The following PDE1A variants were observed in gnomAD, a reference collection of about 807,000 sequenced individuals.
The protein encoded by PDE1A is phosphodiesterase 1A.
PDE1A carries 35 observed loss-of-function variants against 61.7 expected under a neutral mutation model. The observed-to-expected ratio is 0.57, with a 90% CI of 0.43 to 0.75. PDE1A has a LOEUF of 0.75. Among genes scored for constraint, PDE1A ranks in the 30% least tolerant of loss-of-function variants. PDE1A has a pLI of 0.00. For synonymous variants in PDE1A, 232 were observed against 213.2 expected, an observed-to-expected ratio of 1.09 and a Z score of -0.77; for missense variants, 597 against 630.6, an observed-to-expected ratio of 0.95 and a Z score of 0.57.
intron 2 of PDE1A, among the ~76,000 whole-genome samples, chr2:182,245,537 C>A (rs1690881102): frequency 6.6e-6 from 1 of 152,200 alleles, no homozygotes; most frequent in South Asian, 2.1e-4. Context: ...TGGTCCCTGA[C>A]AACCACTATC....
At chr2:182,479,768 C>T (rs1687591911) in intron 2 of PDE1A, among the ~76,000 whole-genome samples, 1 of 151,740 alleles carries the variant, frequency 6.6e-6, no homozygotes, top group Non-Finnish European at 1.5e-5. Context: ...AATTATTGTA[C>T]TATATAAATA....
the PDE1A span, among the ~76,000 whole-genome samples, chr2:182,640,283 C>T: frequency 1.6e-4 from 25 of 152,236 alleles, no homozygotes; most frequent in South Asian, 5.2e-3. Flanking sequence ...GCAAAGAGAC[C>T]ATAAATGAGG....
At chr2:182,371,261 A>T (rs1700116362) in intron 1 of PDE1A, among the ~76,000 whole-genome samples, 1 of 152,228 alleles carries the variant, frequency 6.6e-6, no homozygotes, top group Non-Finnish European at 1.5e-5. Context: ...TAATACCTAC[A>T]GGCATTAGTT....
chr2:182,369,986 C>T (rs1204025253), intron 1 of PDE1A, among the ~76,000 whole-genome samples: 1 of 151,836 alleles, frequency 6.6e-6, no homozygotes, highest in African/African-American at 2.4e-5. Flanking sequence ...ACCATCCTGG[C>T]CAACATGGTG....
chr2:182,268,484 G>GT (rs1426170087), intron 1 of PDE1A, among the ~76,000 whole-genome samples: 1 of 151,886 alleles, frequency 6.6e-6, no homozygotes, highest in Non-Finnish European at 1.5e-5. Flanking sequence ...TAATGCATGG[G>GT]TACCTGTGTG....
At chr2:182,700,721 C>CAAAAAAAAAAAAAAAAAAAAAAA in the PDE1A span, among the ~76,000 whole-genome samples, 20 of 23,988 alleles carry the variant, frequency 8.3e-4, no homozygotes, top group Middle Eastern at 0.031. Flanking sequence ...GACTCCATCT[C>CAAAAAAAAAAAAAAAAAAAAAAA]AAAAAAAAAA....
the PDE1A span, among the ~76,000 whole-genome samples, chr2:182,630,277 C>T: frequency 6.6e-6 from 1 of 152,114 alleles, no homozygotes; most frequent in East Asian, 1.9e-4. Context: ...CCAAATTTAT[C>T]TATATTGTGT....
chr2:182,484,290 G>T (rs1176238036), intron 2 of PDE1A, among the ~76,000 whole-genome samples: 7 of 151,588 alleles, frequency 4.6e-5, no homozygotes, highest in Non-Finnish European at 8.8e-5. Context: ...GAAAACTATA[G>T]AACAATACTT....
chr2:182,354,278 A>C (rs770837225), intron 1 of PDE1A, among the ~76,000 whole-genome samples: 1 of 152,170 alleles, frequency 6.6e-6, no homozygotes, highest in Non-Finnish European at 1.5e-5. Flanking sequence ...ACTACATGCA[A>C]TGTCACACTG....
the PDE1A span, among the ~76,000 whole-genome samples, chr2:182,532,966 A>AAAAAAAC: frequency 6.8e-6 from 1 of 146,666 alleles, no homozygotes; most frequent in East Asian, 2.1e-4. Context: ...AAAAAAAAAA[A>AAAAAAAC]AAAAAAACAA....
intron 13 of PDE1A, among the ~76,000 whole-genome samples, chr2:182,150,419 T>C (rs1198106020): frequency 3.9e-5 from 6 of 152,160 alleles, no homozygotes; most frequent in African/African-American, 1.4e-4. Context: ...AGAAGACCAG[T>C]AACGTCACTT....
At chr2:182,188,607 T>C (rs963583706) in intron 11 of PDE1A, among the ~76,000 whole-genome samples, 4 of 152,186 alleles carry the variant, frequency 2.6e-5, no homozygotes, top group African/African-American at 9.7e-5. Context: ...CCATGGAAAC[T>C]TAGTGATAGA....
chr2:182,306,149 G>A (rs945497288), intron 1 of PDE1A, among the ~76,000 whole-genome samples: 3 of 151,854 alleles, frequency 2.0e-5, no homozygotes, highest in Admixed American at 6.6e-5. Context: ...TTCCTTGCCT[G>A]GCTTATTTTA....
At chr2:182,451,552 CTTTT>C (rs1645457485) in intron 2 of PDE1A, among the ~76,000 whole-genome samples, 1 of 151,826 alleles carries the variant, frequency 6.6e-6, no homozygotes, top group Non-Finnish European at 1.5e-5. Flanking sequence ...CTCTTTAAGC[CTTTT>C]TTAAAATGTT....
At chr2:182,316,275 TGTA>T (rs1696337596) in intron 1 of PDE1A, among the ~76,000 whole-genome samples, 1 of 152,218 alleles carries the variant, frequency 6.6e-6, no homozygotes. Context: ...TTTATAAAGT[TGTA>T]GTGCATTATA....
intron 2 of PDE1A, among the ~76,000 whole-genome samples, chr2:182,473,533 G>A (rs1687167776): frequency 6.6e-6 from 1 of 151,794 alleles, no homozygotes; most frequent in South Asian, 2.1e-4. Flanking sequence ...GTGCAGGTTT[G>A]TTACATAGGT....
intron 13 of PDE1A, among the ~76,000 whole-genome samples, chr2:182,172,686 A>G (rs1271876045): frequency 1.3e-5 from 2 of 152,070 alleles, no homozygotes; most frequent in Non-Finnish European, 2.9e-5. Flanking sequence ...TATGAAAGAG[A>G]CAGCTATGTT....
At chr2:182,179,361 T>G (rs1387579838) in intron 13 of PDE1A, among the ~76,000 whole-genome samples, 1 of 152,198 alleles carries the variant, frequency 6.6e-6, no homozygotes, top group Non-Finnish European at 1.5e-5. Flanking sequence ...AAAAGCATCT[T>G]GTTGAGTGGA....
chr2:182,497,518 G>A (rs1285194684), intron 2 of PDE1A, among the ~76,000 whole-genome samples: 1 of 152,170 alleles, frequency 6.6e-6, no homozygotes, highest in East Asian at 1.9e-4. Context: ...GTTTTCTTGT[G>A]AAATTAAACC....
Sources: allele counts gnomAD v4.1 joint callset (sites outside exome capture counted in the v4.1 genomes callset), GRCh38; gene constraint gnomAD v4.1.1; transcripts MANE v1.5; gene names NCBI Gene and HGNC (gene_info 2026-07-23, HGNC 2026-07-21).